The following LRBA variants were observed in gnomAD, a reference collection of about 807,000 sequenced individuals.
The protein encoded by LRBA is lipopolysaccharide-responsive and beige-like anchor protein.
In LRBA, 176 loss-of-function variants were observed where a neutral mutation model predicts 330.0. The observed-to-expected ratio is 0.53, with a 90% CI of 0.47 to 0.60. The LOEUF (loss-of-function observed/expected upper bound fraction) is 0.60, where lower values mean the gene tolerates loss of function less well. Ranked by LOEUF, LRBA falls within the 20% of genes least tolerant of loss-of-function variation. LRBA has a pLI of 0.00. For missense variants in LRBA, 3,259 were observed against 3,444.8 expected (o/e 0.95, Z 1.35); for synonymous variants, 1,230 against 1,193.0 (o/e 1.03, Z -0.64).
chr4:150,615,388 G>C (rs936885639), intron 37 of LRBA, among the ~76,000 whole-genome samples: 12 of 152,198 alleles, frequency 7.9e-5, no homozygotes, highest in African/African-American at 2.7e-4. Context: ...AGTGGAAAGA[G>C]TGTCCAGTTT....
At chr4:150,278,706 C>T (rs76166454) in intron 55 of LRBA, among the ~76,000 whole-genome samples, 167 of 152,304 alleles carry the variant, frequency 1.1e-3, no homozygotes, top group African/African-American at 3.7e-3. Context: ...TGAAAGCCTG[C>T]GGGCCAAGTG....
At position 150,310,077 on chromosome 4, in the gene LRBA, A is replaced by G. The variant is rs992884894; in HGVS notation, c.7849+152T>C. On this transcript the variant is annotated intron_variant, in intron 52 of 56. Coordinates refer to ENST00000651943, the MANE Select transcript of LRBA (RefSeq NM_001364905.1). ...AGTGGACTATATATAGTAGATTATT[A>G]TTTGAAGAGGGAAAACAATGCCCTC... 54 of 570,060 alleles carry G rather than the reference A, an allele frequency of 9.5e-5. No homozygotes were observed. The African/African-American group carries it at 9.7e-4, about 10-fold the overall frequency. 35.3% of individuals were successfully genotyped at this position (570,060 alleles called of 1,614,324 possible).
intron 42 of LRBA, among the ~76,000 whole-genome samples, chr4:150,483,978 T>G (rs1266590334): frequency 1.3e-5 from 2 of 152,086 alleles, no homozygotes; most frequent in African/African-American, 4.8e-5. Context: ...TGACCCAGTA[T>G]GCTATGAACA....
chr4:150,452,324 T>C (rs1039445370), intron 44 of LRBA, among the ~76,000 whole-genome samples: 6 of 152,016 alleles, frequency 3.9e-5, no homozygotes, highest in Non-Finnish European at 5.9e-5. Context: ...TTGATAAAAG[T>C]CAATACCCAA....
At chr4:150,382,066 A>T (rs964906542) in intron 47 of LRBA, among the ~76,000 whole-genome samples, 1 of 152,206 alleles carries the variant, frequency 6.6e-6, no homozygotes, top group South Asian at 2.1e-4. Context: ...GTAGACTCTT[A>T]CCAAATATAT....
intron 47 of LRBA, among the ~76,000 whole-genome samples, chr4:150,410,062 T>G (rs1746746885): frequency 6.6e-6 from 1 of 152,124 alleles, no homozygotes; most frequent in African/African-American, 2.4e-5. Context: ...AAAAACAATT[T>G]GAAAAAAGCT....
chr4:150,268,826 T>A (rs1745695973), intron 56 of LRBA, among the ~76,000 whole-genome samples: 1 of 152,146 alleles, frequency 6.6e-6, no homozygotes, highest in Admixed American at 6.5e-5. Context: ...TCCCCTATGA[T>A]TGGGAACAAG....
intron 46 of LRBA, among the ~76,000 whole-genome samples, chr4:150,420,025 C>A (rs1269434442): frequency 1.3e-5 from 2 of 150,534 alleles, no homozygotes; most frequent in Non-Finnish European, 3.0e-5. Context: ...TGGCTTGTTT[C>A]CAGGAGTTCA....
intron 30 of LRBA, among the ~76,000 whole-genome samples, chr4:150,819,185 A>G (rs1483761401): frequency 2.6e-5 from 4 of 151,592 alleles, no homozygotes; most frequent in Non-Finnish European, 5.9e-5. Context: ...TATATACTTT[A>G]TGGGTTTTTT....
intron 2 of LRBA, among the ~76,000 whole-genome samples, chr4:150,962,805 T>C (rs1319722353): frequency 1.4e-5 from 2 of 147,456 alleles, no homozygotes; most frequent in Admixed American, 1.3e-4. Context: ...AATATAAAAA[T>C]TAGCCGGGCG....
chr4:150,593,075 T>A (rs1254649382), intron 38 of LRBA, among the ~76,000 whole-genome samples: 2 of 152,178 alleles, frequency 1.3e-5, no homozygotes, highest in African/African-American at 4.8e-5. Context: ...GCCCTGAGGC[T>A]AAACAAGATC....
intron 47 of LRBA, among the ~76,000 whole-genome samples, chr4:150,387,399 C>T (rs192807757): frequency 5.3e-5 from 8 of 151,988 alleles, no homozygotes; most frequent in Admixed American, 2.0e-4. Context: ...GTATAATATC[C>T]GAAAATAAGA....
intron 37 of LRBA, among the ~76,000 whole-genome samples, chr4:150,672,098 A>G (rs966135667): frequency 4.6e-5 from 7 of 152,196 alleles, no homozygotes; most frequent in Admixed American, 1.3e-4. Context: ...GGAAAATCCA[A>G]TCTTTGACTA....
intron 46 of LRBA, among the ~76,000 whole-genome samples, chr4:150,428,650 T>C (rs1749964488): frequency 6.6e-6 from 1 of 152,146 alleles, no homozygotes; most frequent in African/African-American, 2.4e-5. Context: ...AAATGCTCAT[T>C]TGTTTGCATA....
intron 37 of LRBA, among the ~76,000 whole-genome samples, chr4:150,613,936 G>A (rs1257672361): frequency 1.3e-5 from 2 of 152,182 alleles, no homozygotes; most frequent in Non-Finnish European, 2.9e-5. Context: ...GATTCAGCCT[G>A]TTCCAAGACC....
intron 33 of LRBA, among the ~76,000 whole-genome samples, chr4:150,805,172 GA>G (rs1315394262): frequency 1.4e-3 from 102 of 72,462 alleles, no homozygotes; most frequent in African/African-American, 4.8e-3. Flanking sequence ...TGCGCAAAAA[GA>G]AAAAAAAAAG....
chr4:150,695,585 T>C (rs1784546912), intron 36 of LRBA, among the ~76,000 whole-genome samples: 1 of 152,148 alleles, frequency 6.6e-6, no homozygotes. Context: ...CCCAAAGTGC[T>C]TGGATTACAA....
chr4:150,676,163 G>A (rs936297167), intron 37 of LRBA, among the ~76,000 whole-genome samples: 4 of 151,822 alleles, frequency 2.6e-5, no homozygotes, highest in South Asian at 4.2e-4. Flanking sequence ...TAATGACAAC[G>A]GCTGAGAATA....
intron 40 of LRBA, among the ~76,000 whole-genome samples, chr4:150,571,919 G>A (rs1021066921): frequency 1.3e-5 from 2 of 150,942 alleles, no homozygotes; most frequent in Non-Finnish European, 3.0e-5. Context: ...GTCCTGGTAC[G>A]ACCCAAACTC....
Sources: gnomAD v4.1 joint callset for allele counts (sites outside exome capture counted in the v4.1 genomes callset) on GRCh38, gnomAD v4.1.1 for gene constraint, MANE v1.5 for transcripts, NCBI Gene and HGNC (gene_info 2026-07-23, HGNC 2026-07-21) for gene names.